The following UGT1A3 variants were observed in gnomAD, a reference collection of about 807,000 sequenced individuals.
The protein encoded by UGT1A3 is UDP-glucuronosyltransferase 1A3.
Under a neutral mutation model 41.0 loss-of-function variants are expected in UGT1A3, and 31 were observed. The ratio of observed to expected loss-of-function variants is 0.76; its 90% CI spans 0.57 to 1.02. The LOEUF (loss-of-function observed/expected upper bound fraction) is 1.02, where lower values mean the gene tolerates loss of function less well. Ranked by LOEUF, UGT1A3 falls within the 50% of genes least tolerant of loss-of-function variation. The pLI is 0.00. For missense variants in UGT1A3, 737 were observed against 671.0 expected (o/e 1.10, Z -1.09); for synonymous variants, 262 against 257.6 (o/e 1.02, Z -0.17).
At chr2:233,756,696 A>G (rs1696298484) in intron 1 of UGT1A3, among the ~76,000 whole-genome samples, 1 of 152,182 alleles carries the variant, frequency 6.6e-6, no homozygotes, top group African/African-American at 2.4e-5. Flanking sequence ...ATGACGATGA[A>G]TTTTGGGGGG....
intron 1 of UGT1A3, among the ~76,000 whole-genome samples, chr2:233,732,815 A>C (rs1359476181): frequency 7.1e-6 from 1 of 140,410 alleles, no homozygotes; most frequent in African/African-American, 2.7e-5. Context: ...TTGATTCCAT[A>C]TGAACTTTAA....
intron 1 of UGT1A3, among the ~76,000 whole-genome samples, chr2:233,748,506 T>C (rs868820669): frequency 6.6e-5 from 10 of 151,912 alleles, no homozygotes; most frequent in African/African-American, 2.4e-4. Context: ...TTTTTAGTGG[T>C]CCTGTCTTGC....
chr2:233,769,664 G>A lies in UGT1A3; in HGVS notation c.1307+1225G>A. ...CTGATGACTGACTTCCCACCTTTGAGGTGCTAATGTGTGTGTGGTGGCACT... is the reference window on the plus strand; with the variant it reads ...CTGATGACTGACTTCCCACCTTTGAAGTGCTAATGTGTGTGTGGTGGCACT... On this transcript the variant is annotated intron_variant, in intron 4 of 4. Coordinates refer to ENST00000482026, the MANE Select transcript of UGT1A3 (RefSeq NM_019093.4). This position sits in a 1 kb window ranked among gnomAD's most constrained non-coding sequence, Gnocchi z 4.4. The A allele has an allele frequency of 6.3e-7, 1 of 1,596,206 alleles. No homozygotes were observed. Among genetic ancestry groups the A allele is most frequent in the African/African-American group, 1.3e-5 (1 of 74,742 alleles).
rs527779009 is a variant in UGT1A3 at position 233,754,984 on chromosome 2, G to T, written c.868-12050G>T. The T allele has an allele frequency of 3.9e-6, 5 of 1,295,396 alleles. No individual in the cohort carries two copies. In the African/African-American group the frequency reaches 6.0e-5, roughly 16 times the overall value. 80.2% of individuals were successfully genotyped at this position (1,295,396 alleles called of 1,614,324 possible). A position where few individuals can be genotyped will look rare whatever the true frequency, so the allele number is the denominator to read the frequency against. The stretch of plus-strand genomic sequence containing the variant: ...AAGAACTCCCTGAAGACCTCGGCGG[G>T]GTCACGGAAGCTGAAGACCTACTCG... On this transcript the variant is annotated intron_variant, in intron 1 of 4. Transcript: ENST00000482026.
At chr2:233,745,969 A>C (rs939174435) in intron 1 of UGT1A3, among the ~76,000 whole-genome samples, 8 of 151,718 alleles carry the variant, frequency 5.3e-5, no homozygotes, top group Non-Finnish European at 1.0e-4. Context: ...AGGGGCCCTG[A>C]AATGGGACCA....
Position 233,772,382 on chromosome 2 carries a change from C to T in UGT1A3, c.1428C>T (p.Arg476=). 5 of 1,614,256 alleles carry T rather than the reference C, an allele frequency of 3.1e-6. No homozygotes were observed. The highest frequency in any genetic ancestry group is 2.5e-6 in the Non-Finnish European group (3 of 1,180,048). ...GGCACAAGGGCGCGCCACACCTGCGCCCCGCAGCCCACGACCTCACCTGGT... is the reference window on the plus strand; with the variant it reads ...GGCACAAGGGCGCGCCACACCTGCGTCCCGCAGCCCACGACCTCACCTGGT... ...VMRHKGAPHL[R]PAAHDLTWYQ... The change falls in exon 5 of 5, where the codon CGC becomes CGT. Residue 476 remains arginine, a synonymous_variant. Coordinates refer to ENST00000482026, the MANE Select transcript of UGT1A3 (RefSeq NM_019093.4).
chr2:233,729,355 C>T lies in UGT1A3; in HGVS notation c.229C>T (p.Leu77=), dbSNP rs144116440. 167 of 1,614,046 alleles carry T rather than the reference C, an allele frequency of 1.0e-4. No individual in the cohort carries two copies. Among genetic ancestry groups the T allele is most frequent in the Non-Finnish European group, 4.3e-5 (51 of 1,180,008 alleles). ...MHIKEENFFT[L]TTYAISWTQD... is the part of the protein sequence containing the mutation. ...CATCAAAGAAGAGAACTTTTTCACC[C>T]TGACAACCTATGCCATTTCGTGGAC... Residue 77 remains leucine, a synonymous_variant, in exon 1 of 5, where the codon CTG becomes TTG. Coordinates refer to ENST00000482026, the MANE Select transcript of UGT1A3 (RefSeq NM_019093.4).
At chr2:233,730,783 G>A (rs968780327) in intron 1 of UGT1A3, among the ~76,000 whole-genome samples, 1 of 152,100 alleles carries the variant, frequency 6.6e-6, no homozygotes, top group Non-Finnish European at 1.5e-5. Flanking sequence ...AGTGAAGCTG[G>A]GGACAGTGAT....
intron 1 of UGT1A3, chr2:233,754,988 A>T (rs756949361): frequency 6.6e-5 from 86 of 1,295,924 alleles, no homozygotes; most frequent in Non-Finnish European, 8.9e-5. Context: ...CGGCGGGGTC[A>T]CGGAAGCTGA....
chr2:233,740,463 A>G (rs1427389799), intron 1 of UGT1A3, among the ~76,000 whole-genome samples: 2 of 151,964 alleles, frequency 1.3e-5, no homozygotes, highest in Non-Finnish European at 2.9e-5. Context: ...AAGATGATGG[A>G]CAGAAAGGAT....
At chr2:233,748,299 A>G (rs891574049) in intron 1 of UGT1A3, among the ~76,000 whole-genome samples, 4 of 151,748 alleles carry the variant, frequency 2.6e-5, no homozygotes, top group African/African-American at 9.7e-5. Flanking sequence ...ATGAATGTTT[A>G]TCAAAGGATG....
At chr2:233,749,443 T>C (rs551988322) in intron 1 of UGT1A3, among the ~76,000 whole-genome samples, 4 of 151,902 alleles carry the variant, frequency 2.6e-5, no homozygotes, top group Non-Finnish European at 5.9e-5. Flanking sequence ...GTCATCTCAG[T>C]GGAGCAGAAC....
In UGT1A3 at chr2:233,768,256, G is replaced by A; in HGVS notation, c.1124G>A (p.Gly375Asp). Residue 375 changes from glycine (G) to aspartate (D), a missense_variant, in exon 4 of 5, where the codon GGT (glycine) becomes GAT (aspartate). Coordinates refer to ENST00000482026, the MANE Select transcript of UGT1A3 (RefSeq NM_019093.4). ...ACCCGTGCCTTTATCACCCATGCTGGTTCCCATGGTGTTTATGAAAGCATA... is the reference window on the plus strand; with the variant it reads ...ACCCGTGCCTTTATCACCCATGCTGATTCCCATGGTGTTTATGAAAGCATA... ...PMTRAFITHA[G>D]SHGVYESICN... 5 of 1,614,130 alleles carry A rather than the reference G, an allele frequency of 3.1e-6. No individual in the cohort carries two copies. The highest frequency in any genetic ancestry group is 4.2e-6 in the Non-Finnish European group (5 of 1,180,030).
chr2:233,744,001 A>T, intron 1 of UGT1A3: 1 of 1,207,940 alleles, frequency 8.3e-7, no homozygotes, highest in Non-Finnish European at 1.1e-6. Context: ...GAGTGCTCGG[A>T]GACCTGGGCC....
chr2:233,736,858 C>G (rs2078820819), intron 1 of UGT1A3, among the ~76,000 whole-genome samples: 1 of 152,192 alleles, frequency 6.6e-6, no homozygotes, highest in South Asian at 2.1e-4. Flanking sequence ...GGCTGCAGAA[C>G]AGCAAATATT....
chr2:233,730,126 G>T, intron 1 of UGT1A3, 133 bp downstream of exon 1: 1 of 1,542,516 alleles, frequency 6.5e-7, no homozygotes, highest in Non-Finnish European at 8.7e-7. Flanking sequence ...TGTCATAATA[G>T]CCTTCAGTGA....
At chr2:233,742,048 G>A (rs1013653818) in intron 1 of UGT1A3, 2 of 151,922 alleles carry the variant, frequency 1.3e-5, no homozygotes, top group Non-Finnish European at 2.9e-5. Context: ...ATAGCAATAG[G>A]ATAGTTCTGT....
At chr2:233,743,597 T>A in intron 1 of UGT1A3, 1 of 1,367,346 alleles carries the variant, frequency 7.3e-7, no homozygotes. Flanking sequence ...GAATGGGTCC[T>A]GGCCGCCGAA....
rs886043066 is a variant in UGT1A3 at position 233,768,310 on chromosome 2, C to T, written c.1178C>T (p.Pro393Leu). 74 of 1,613,942 alleles carry T rather than the reference C, an allele frequency of 4.6e-5. No homozygotes were observed. Among genetic ancestry groups the T allele is most frequent in the Non-Finnish European group, 6.2e-5 (73 of 1,180,026 alleles). The change falls in exon 4 of 5, where the codon CCC becomes CTC. Residue 393 changes from proline to leucine, a missense_variant. Pro to Leu is a moderately conservative substitution (Grantham distance 98). Coordinates refer to ENST00000482026, the MANE Select transcript of UGT1A3 (RefSeq NM_019093.4). ...ICNGVPMVMM[P>L]LFGDQMDNAK... Reference sequence around the variant, plus strand: ...AATGGCGTTCCCATGGTGATGATGCCCTTGTTTGGTGATCAGATGGACAAT... The same window carrying T: ...AATGGCGTTCCCATGGTGATGATGCTCTTGTTTGGTGATCAGATGGACAAT...
Sources: gnomAD v4.1 joint callset for allele counts (sites outside exome capture counted in the v4.1 genomes callset) on GRCh38, gnomAD v4.1.1 for gene constraint, Gnocchi (gnomAD v3.1) non-coding constraint, MANE v1.5 for transcripts, NCBI Gene and HGNC (gene_info 2026-07-23, HGNC 2026-07-21) for gene names.